WWOX: variants seen among roughly 807,000 people sequenced by gnomAD.
WWOX encodes WW domain-containing oxidoreductase.
WWOX carries 69 observed loss-of-function variants against 46.2 expected under a neutral mutation model. The observed-to-expected ratio is 1.49, with a 90% CI of 1.23 to 1.82. The LOEUF is 1.82. WWOX is among the 40% of genes most tolerant of loss of function. The pLI, the probability that WWOX is intolerant of heterozygous loss-of-function variation, is 0.00. For missense variants in WWOX, 919 were observed against 542.6 expected (o/e 1.69, Z -6.89); for synonymous variants, 359 against 202.6 (o/e 1.77, Z -6.56).
In WWOX at chr16:78,261,788, CTATA is replaced by C. The variant is rs71384369; in HGVS notation, c.516+97526_516+97529del. Among the ~76,000 whole-genome samples the C allele has an allele frequency of 9.0e-3, 664 of 73,724 alleles. 6 individuals carry two copies. Among genetic ancestry groups the C allele is most frequent in the Non-Finnish European group, 7.5e-3 (276 of 36,612 alleles). 48.4% of individuals were successfully genotyped at this position (73,724 alleles called of 152,430 possible). Reference sequence around the variant, plus strand: ...TCTATCTATGTATCTATCTATCTATCTATATATATATATATATATATATATATAT... The same window carrying C: ...TCTATCTATGTATCTATCTATCTATCTATATATATATATATATATATATAT... On this transcript the variant is annotated intron_variant, in intron 5 of 8. Transcript: ENST00000566780.
intron 8 of WWOX, among the ~76,000 whole-genome samples, chr16:78,755,896 C>T (rs2049634119): frequency 6.6e-6 from 1 of 152,164 alleles, no homozygotes; most frequent in Admixed American, 6.5e-5. Context: ...ACTGTAACTT[C>T]ATAGGATTTT....
intron 5 of WWOX, among the ~76,000 whole-genome samples, chr16:78,257,653 C>T (rs1166201612): frequency 1.3e-5 from 2 of 151,840 alleles, no homozygotes; most frequent in African/African-American, 4.8e-5. Flanking sequence ...GCGGTTTTTT[C>T]CATCTCCATT....
chr16:78,242,106 C>G (rs756354144), intron 5 of WWOX, among the ~76,000 whole-genome samples: 1 of 152,158 alleles, frequency 6.6e-6, no homozygotes, highest in Non-Finnish European at 1.5e-5. Context: ...TGAAGAATTG[C>G]GACGTCGGCC....
At chr16:78,897,217 C>G (rs1465034951) in intron 8 of WWOX, 1 of 113,940 alleles carries the variant, frequency 8.8e-6, no homozygotes, top group Non-Finnish European at 1.6e-5. Context: ...GCACTCTAGC[C>G]TGGGTGACAG....
intron 5 of WWOX, among the ~76,000 whole-genome samples, chr16:78,377,038 A>G (rs1299735767): frequency 2.0e-5 from 3 of 152,238 alleles, no homozygotes; most frequent in Non-Finnish European, 2.9e-5. Context: ...GTCTTTCTGA[A>G]TCGAGGAGGT....
intron 8 of WWOX, among the ~76,000 whole-genome samples, chr16:78,721,539 C>G (rs1412748807): frequency 2.0e-5 from 3 of 152,156 alleles, no homozygotes; most frequent in Non-Finnish European, 2.9e-5. Context: ...AGTATTTGCT[C>G]TTCTTTAGAA....
chr16:78,740,246 C>T (rs570885164), intron 8 of WWOX, among the ~76,000 whole-genome samples: 15 of 152,196 alleles, frequency 9.9e-5, no homozygotes, highest in Non-Finnish European at 5.9e-5. Flanking sequence ...TTCAGGCGTT[C>T]TTACAATGCT....
At chr16:79,119,777 G>A (rs2049590657) in intron 8 of WWOX, among the ~76,000 whole-genome samples, 2 of 152,150 alleles carry the variant, frequency 1.3e-5, no homozygotes, top group African/African-American at 4.8e-5. Context: ...ATGCTGTTGT[G>A]CTGAACCCTA....
At chr16:78,607,915 T>TA (rs1310725892) in intron 8 of WWOX, among the ~76,000 whole-genome samples, 1 of 152,148 alleles carries the variant, frequency 6.6e-6, no homozygotes, top group Non-Finnish European at 1.5e-5. Flanking sequence ...TTGAGACCTG[T>TA]AAAAATATTG....
intron 8 of WWOX, among the ~76,000 whole-genome samples, chr16:78,722,003 C>T (rs145700385): frequency 2.6e-3 from 399 of 152,308 alleles, no homozygotes; most frequent in Non-Finnish European, 4.8e-3. Context: ...CATCCAGGCA[C>T]TTTCTTTTTT....
At chr16:79,167,452 C>T (rs772609825) in intron 8 of WWOX, among the ~76,000 whole-genome samples, 1 of 152,032 alleles carries the variant, frequency 6.6e-6, no homozygotes, top group Non-Finnish European at 1.5e-5. Flanking sequence ...GACAGGGAGA[C>T]ATTTAGTGAA....
intron 5 of WWOX, among the ~76,000 whole-genome samples, chr16:78,324,343 G>A (rs2080560786): frequency 6.6e-6 from 1 of 152,098 alleles, no homozygotes; most frequent in African/African-American, 2.4e-5. Context: ...CACCATTGGT[G>A]GGGATGTAAA....
chr16:78,399,042 C>G (rs527766470), intron 6 of WWOX, among the ~76,000 whole-genome samples: 3 of 133,420 alleles, frequency 2.2e-5, no homozygotes, highest in Admixed American at 7.6e-5. Flanking sequence ...AAAGATGGAA[C>G]AGGTAAGTAT....
chr16:78,736,860 C>G (rs2049104078), intron 8 of WWOX, among the ~76,000 whole-genome samples: 1 of 152,140 alleles, frequency 6.6e-6, no homozygotes, highest in African/African-American at 2.4e-5. Flanking sequence ...TCCCCTGCCT[C>G]AGAATCCCAA....
intron 8 of WWOX, among the ~76,000 whole-genome samples, chr16:79,143,520 C>G (rs1422883906): frequency 6.6e-6 from 1 of 152,112 alleles, no homozygotes; most frequent in East Asian, 1.9e-4. Flanking sequence ...ATTTGAGTGG[C>G]TTCTGTTGGA....
At chr16:79,084,484 A>G (rs1233492653) in intron 8 of WWOX, among the ~76,000 whole-genome samples, 2 of 152,116 alleles carry the variant, frequency 1.3e-5, no homozygotes, top group South Asian at 2.1e-4. Flanking sequence ...GCAGTGGTAC[A>G]GTCTCGGCTC....
At chr16:78,174,000 G>A (rs562645877) in intron 5 of WWOX, among the ~76,000 whole-genome samples, 2 of 152,036 alleles carry the variant, frequency 1.3e-5, no homozygotes, top group Non-Finnish European at 2.9e-5. Context: ...CATGTGTCTT[G>A]TAAGGGCACT....
At chr16:78,702,428 A>C (rs1251070402) in intron 8 of WWOX, among the ~76,000 whole-genome samples, 1 of 152,022 alleles carries the variant, frequency 6.6e-6, no homozygotes, top group African/African-American at 2.4e-5. Flanking sequence ...AGGTGGGCAG[A>C]TCCCATGAGG....
At chr16:78,398,544 T>C (rs543256261) in intron 6 of WWOX, among the ~76,000 whole-genome samples, 1 of 152,148 alleles carries the variant, frequency 6.6e-6, no homozygotes, top group South Asian at 2.1e-4. Flanking sequence ...AGTTGATGAG[T>C]TATTTTTTGG....
Sources: allele counts gnomAD v4.1 joint callset (sites outside exome capture counted in the v4.1 genomes callset), GRCh38; gene constraint gnomAD v4.1.1; transcripts MANE v1.5; gene names NCBI Gene and HGNC (gene_info 2026-07-23, HGNC 2026-07-21).